The following FBXW7 variants were observed in gnomAD, a reference collection of about 807,000 sequenced individuals.
The protein encoded by FBXW7 is F-box/WD repeat-containing protein 7.
In FBXW7, 11 loss-of-function variants were observed where a neutral mutation model predicts 86.3. The observed-to-expected ratio is 0.13, with a 90% CI of 0.08 to 0.21. The LOEUF is 0.21. Among genes scored for constraint, FBXW7 ranks in the 10% least tolerant of loss-of-function variants. The pLI, the probability that FBXW7 is intolerant of heterozygous loss-of-function variation, is 1.00. For missense variants in FBXW7, 488 were observed against 847.4 expected (o/e 0.58, Z 5.27); for synonymous variants, 313 against 297.9 (o/e 1.05, Z -0.52).
intron 4 of FBXW7, among the ~76,000 whole-genome samples, chr4:152,410,652 T>G (rs1432460419): frequency 6.6e-6 from 1 of 152,196 alleles, no homozygotes; most frequent in African/African-American, 2.4e-5. Flanking sequence ...TAAATCAGTT[T>G]GTATATTGTT....
intron 2 of FBXW7, among the ~76,000 whole-genome samples, chr4:152,462,181 G>C (rs565815027): frequency 5.9e-5 from 9 of 152,298 alleles, no homozygotes; most frequent in African/African-American, 2.2e-4. Flanking sequence ...ATTATACTGA[G>C]ATGTGTGGCC....
chr4:152,458,077 T>C (rs1393399540), intron 2 of FBXW7, among the ~76,000 whole-genome samples: 1 of 152,234 alleles, frequency 6.6e-6, no homozygotes, highest in Non-Finnish European at 1.5e-5. Flanking sequence ...GCCAGTGCAC[T>C]GGTGCAGTCT....
At position 152,504,375 on chromosome 4, in the gene FBXW7, G is replaced by C. The variant is rs183726954; in HGVS notation, c.-120+30566C>G. On this transcript the variant is annotated intron_variant, in intron 2 of 13. Coordinates refer to ENST00000281708, the MANE Select transcript of FBXW7 (RefSeq NM_001349798.2). ...TTAATTGACAGTGTTTTGCAAAGTGGCTGCAAAAATTACAAAAAAATCATT... is the reference window on the plus strand; with the variant it reads ...TTAATTGACAGTGTTTTGCAAAGTGCCTGCAAAAATTACAAAAAAATCATT... 1.1e-4 allele frequency among the ~76,000 whole-genome samples: 17 copies of C among 152,152 alleles called. No individual in the cohort carries two copies. In the East Asian group the frequency reaches 3.1e-3, roughly 28 times the overall value.
intron 2 of FBXW7, among the ~76,000 whole-genome samples, chr4:152,511,701 AT>A (rs1386771038): frequency 2.0e-5 from 3 of 152,200 alleles, no homozygotes; most frequent in African/African-American, 4.8e-5. Context: ...TATGAAAAAA[AT>A]GAGAAAGTTC....
intron 2 of FBXW7, among the ~76,000 whole-genome samples, chr4:152,452,528 G>C (rs2628570): frequency 1.3e-5 from 2 of 151,962 alleles, no homozygotes; most frequent in African/African-American, 4.8e-5. Context: ...CTGTGTCTCA[G>C]AATAGTGTTC....
At chr4:152,473,008 A>G (rs28401633) in intron 2 of FBXW7, among the ~76,000 whole-genome samples, 71,021 of 152,078 alleles carry the variant, frequency 0.47, 19,653 homozygotes, top group African/African-American at 0.77. Flanking sequence ...TCTACTAATG[A>G]TAAAAAAAAT....
chr4:152,442,280 G>T lies in FBXW7; in HGVS notation c.-119-29751C>A, dbSNP rs185079920. On this transcript the variant is annotated intron_variant, in intron 2 of 13. Coordinates refer to ENST00000281708, the MANE Select transcript of FBXW7 (RefSeq NM_001349798.2). ...GTTCTCAAACTTCAGTAGAATTACA[G>T]ATCACTCTGGAGGCAGGGGTTCTTG... Among the ~76,000 whole-genome samples the T allele has an allele frequency of 2.0e-5, 3 of 152,282 alleles. No individual in the cohort carries two copies. In the East Asian group the frequency reaches 5.8e-4, roughly 29 times the overall value.
intron 4 of FBXW7, among the ~76,000 whole-genome samples, chr4:152,373,581 C>A (rs1465795897): frequency 1.3e-5 from 2 of 151,886 alleles, no homozygotes; most frequent in Non-Finnish European, 2.9e-5. Flanking sequence ...TAAGACAAGA[C>A]ACGATCCCAA....
At chr4:152,383,835 T>C (rs1309066727) in intron 4 of FBXW7, among the ~76,000 whole-genome samples, 8 of 152,110 alleles carry the variant, frequency 5.3e-5, no homozygotes, top group Admixed American at 4.6e-4. Context: ...ATTTAAAATG[T>C]AGTTAAAAAT....
intron 2 of FBXW7, among the ~76,000 whole-genome samples, chr4:152,476,833 C>A (rs1019513063): frequency 6.6e-6 from 1 of 152,174 alleles, no homozygotes; most frequent in Non-Finnish European, 1.5e-5. Context: ...TTGGTCTGCA[C>A]TATCCTTTTG....
intron 2 of FBXW7, among the ~76,000 whole-genome samples, chr4:152,513,662 T>A (rs560204626): frequency 6.6e-6 from 1 of 152,378 alleles, no homozygotes; most frequent in Admixed American, 6.5e-5. Flanking sequence ...TGTTGTCTTT[T>A]ACCCAGACTT....
intron 2 of FBXW7, among the ~76,000 whole-genome samples, chr4:152,499,816 G>A (rs1351173068): frequency 6.6e-6 from 1 of 152,048 alleles, no homozygotes; most frequent in Non-Finnish European, 1.5e-5. Flanking sequence ...CTTCTCCTAT[G>A]AGACCTAAAA....
At position 152,535,814 on chromosome 4, in the gene FBXW7, C is replaced by T; in HGVS notation, c.-900G>A. On this transcript the variant is annotated 5_prime_UTR_variant, in exon 1 of 14. Transcript: ENST00000281708. ...CTGCCCCCCAAGCCGCCGGCTCCGG[C>T]TCAGGCTCGGGCTCCGGCTCTGGCT... The T allele has an allele frequency of 2.5e-6, 1 of 392,548 alleles. No individual in the cohort carries two copies. Among genetic ancestry groups the T allele is most frequent in the Non-Finnish European group, 4.5e-6 (1 of 223,022 alleles). The allele number at this position is 392,548 out of a possible 1,614,324, so 24.3% of individuals were successfully genotyped here.
chr4:152,328,418 T>C (rs1729251935), intron 10 of FBXW7, 29 bp from the exon 11 acceptor site: 1 of 1,384,456 alleles, frequency 7.2e-7, no homozygotes, highest in African/African-American at 1.5e-5. Flanking sequence ...TGATTACTTT[T>C]GGGTAGAAAG....
At chr4:152,386,131 T>G (rs1735507780) in intron 4 of FBXW7, among the ~76,000 whole-genome samples, 1 of 152,086 alleles carries the variant, frequency 6.6e-6, no homozygotes, top group Non-Finnish European at 1.5e-5. Flanking sequence ...AGTCTGAGTC[T>G]CAATTCTACT....
rs562404665 is a variant in FBXW7 at position 152,464,644 on chromosome 4, C to T, written c.-119-52115G>A. On this transcript the variant is annotated intron_variant, in intron 2 of 13. Transcript: ENST00000281708. ...GAAACTCTAGCAACGCTAGGCAGCACATGAAGAGGAAACAAAAGCAGAAGA... is the reference window on the plus strand; with the variant it reads ...GAAACTCTAGCAACGCTAGGCAGCATATGAAGAGGAAACAAAAGCAGAAGA... Among the ~76,000 whole-genome samples, 9 of 152,174 alleles carry T rather than the reference C, an allele frequency of 5.9e-5. 1 individual carries two copies. In the South Asian group the frequency reaches 1.9e-3, roughly 32 times the overall value.
chr4:152,512,451 G>C (rs991767473), intron 2 of FBXW7, among the ~76,000 whole-genome samples: 1 of 152,182 alleles, frequency 6.6e-6, no homozygotes, highest in Admixed American at 6.5e-5. Flanking sequence ...AGAAATTAAT[G>C]TTCTTGAAGA....
intron 2 of FBXW7, among the ~76,000 whole-genome samples, chr4:152,492,358 G>A (rs1350238780): frequency 6.6e-6 from 1 of 152,150 alleles, no homozygotes; most frequent in African/African-American, 2.4e-5. Context: ...ATTTTTAAAA[G>A]TTTTTTGTGG....
intron 2 of FBXW7, among the ~76,000 whole-genome samples, chr4:152,519,979 T>A (rs1285438657): frequency 1.3e-5 from 2 of 152,332 alleles, no homozygotes; most frequent in South Asian, 2.1e-4. Context: ...CTAAGTTAAA[T>A]AACGGTTGTA....
Sources: gnomAD v4.1 joint callset for allele counts (sites outside exome capture counted in the v4.1 genomes callset) on GRCh38, gnomAD v4.1.1 for gene constraint, MANE v1.5 for transcripts, NCBI Gene and HGNC (gene_info 2026-07-23, HGNC 2026-07-21) for gene names.